Variants in RAPGEF4 observed in about 807,000 individuals in gnomAD.
The protein encoded by RAPGEF4 is Rap guanine nucleotide exchange factor 4.
Under a neutral mutation model 147.9 loss-of-function variants are expected in RAPGEF4, and 66 were observed. The observed-to-expected ratio is 0.45, with a 90% CI of 0.37 to 0.55. The LOEUF (loss-of-function observed/expected upper bound fraction) is 0.55, where lower values mean the gene tolerates loss of function less well. Among genes scored for constraint, RAPGEF4 ranks in the 20% least tolerant of loss-of-function variants. The probability of loss-of-function intolerance (pLI) is 0.00; values close to 1 mark genes in which losing one functional copy is unlikely to be tolerated. For synonymous variants in RAPGEF4, 419 were observed against 442.7 expected (o/e 0.95, Z 0.67); for missense variants, 1,071 against 1,257.3 (o/e 0.85, Z 2.24).
At chr2:172,935,473 G>A (rs188397881) in intron 6 of RAPGEF4, among the ~76,000 whole-genome samples, 50 of 152,264 alleles carry the variant, frequency 3.3e-4, no homozygotes, top group African/African-American at 1.2e-3. Flanking sequence ...GGAAATGAGA[G>A]CTGTTCATTG....
chr2:172,941,971 A>T (rs561595521), intron 6 of RAPGEF4, among the ~76,000 whole-genome samples: 1 of 152,140 alleles, frequency 6.6e-6, no homozygotes, highest in East Asian at 1.9e-4. Context: ...CCTCATTTAC[A>T]TCTCTGGTCA....
chr2:172,870,538 G>A (rs1695126481), intron 4 of RAPGEF4, among the ~76,000 whole-genome samples: 1 of 152,042 alleles, frequency 6.6e-6, no homozygotes, highest in Admixed American at 6.6e-5. Context: ...TCCTGGTTTT[G>A]AGAAGCCACA....
intron 2 of RAPGEF4, 110 bp downstream of exon 2, chr2:172,795,277 C>A: frequency 8.6e-7 from 1 of 1,157,850 alleles, no homozygotes; most frequent in Non-Finnish European, 1.2e-6. Flanking sequence ...AATATTTGAG[C>A]TTCAACCAAA....
At chr2:172,744,291 C>G in intron 1 of RAPGEF4, 1 of 404,406 alleles carries the variant, frequency 2.5e-6, no homozygotes, top group East Asian at 7.7e-5. Context: ...TAGGATCAGC[C>G]AGACCTGGAT....
At chr2:172,856,561 T>C (rs1341817526) in intron 4 of RAPGEF4, among the ~76,000 whole-genome samples, 1 of 152,186 alleles carries the variant, frequency 6.6e-6, no homozygotes, top group Admixed American at 6.5e-5. Flanking sequence ...TTAAAGAGTA[T>C]TGATTTTCTG....
At chr2:172,873,254 G>A (rs534234802) in intron 4 of RAPGEF4, among the ~76,000 whole-genome samples, 8 of 152,272 alleles carry the variant, frequency 5.3e-5, no homozygotes, top group African/African-American at 1.4e-4. Flanking sequence ...CCAGTTTTAC[G>A]TCTTGTCTGG....
intron 17 of RAPGEF4, among the ~76,000 whole-genome samples, chr2:173,013,175 T>C (rs1695185207): frequency 6.6e-6 from 1 of 152,206 alleles, no homozygotes; most frequent in South Asian, 2.1e-4. Context: ...TAGACAAGGC[T>C]CTTTACTGGT....
At chr2:172,945,489 T>C (rs1687593195) in intron 6 of RAPGEF4, among the ~76,000 whole-genome samples, 2 of 152,140 alleles carry the variant, frequency 1.3e-5, no homozygotes, top group Non-Finnish European at 2.9e-5. Flanking sequence ...TTATTGTAGC[T>C]TTTGCCTACT....
At chr2:172,897,501 C>T (rs987091292) in intron 4 of RAPGEF4, among the ~76,000 whole-genome samples, 42 of 152,164 alleles carry the variant, frequency 2.8e-4, no homozygotes, top group African/African-American at 1.0e-3. Flanking sequence ...CAGGCTCAAG[C>T]AATCATCCTG....
intron 6 of RAPGEF4, among the ~76,000 whole-genome samples, chr2:172,926,468 C>T (rs11695398): frequency 0.47 from 71,915 of 152,030 alleles, 17,937 homozygotes; most frequent in East Asian, 0.65. Flanking sequence ...AGTAGACTCA[C>T]GGAGATATTA....
intron 23 of RAPGEF4, among the ~76,000 whole-genome samples, chr2:173,023,688 G>T (rs1334513129): frequency 6.6e-6 from 1 of 152,182 alleles, no homozygotes; most frequent in East Asian, 1.9e-4. Flanking sequence ...ACGACTAAAA[G>T]AACTTTGCAT....
At chr2:173,020,851 TA>T in intron 23 of RAPGEF4, 136 bp downstream of exon 23, 1 of 636,330 alleles carries the variant, frequency 1.6e-6, no homozygotes, top group Non-Finnish European at 2.7e-6. Flanking sequence ...TGCAGTCTAT[TA>T]GGTAAGCCTC....
chr2:172,925,589 C>T (rs1233959487), intron 6 of RAPGEF4, among the ~76,000 whole-genome samples: 1 of 2,770 alleles, frequency 3.6e-4, no homozygotes, highest in Non-Finnish European at 0.012. Context: ...TCTGTCTGTA[C>T]ACACACACAC....
intron 6 of RAPGEF4, among the ~76,000 whole-genome samples, chr2:172,932,504 C>A (rs1407530870): frequency 1.3e-5 from 2 of 152,126 alleles, no homozygotes; most frequent in Admixed American, 6.5e-5. Context: ...AATATATGAA[C>A]AAGCTTTTTA....
intron 1 of RAPGEF4, among the ~76,000 whole-genome samples, chr2:172,781,879 T>C (rs998404313): frequency 1.3e-5 from 2 of 152,244 alleles, no homozygotes; most frequent in African/African-American, 4.8e-5. Context: ...TTGTATTGTA[T>C]TGTTTTTTAT....
At chr2:172,933,942 C>G (rs1263560006) in intron 6 of RAPGEF4, among the ~76,000 whole-genome samples, 1 of 152,066 alleles carries the variant, frequency 6.6e-6, no homozygotes, top group Non-Finnish European at 1.5e-5. Context: ...CTTTAAATGG[C>G]TATGGCCTGC....
chr2:173,033,244 G>A (rs1204032139), intron 26 of RAPGEF4, among the ~76,000 whole-genome samples: 1 of 152,180 alleles, frequency 6.6e-6, no homozygotes, highest in Non-Finnish European at 1.5e-5. Flanking sequence ...TGTGAGAGAC[G>A]AGACAGCAGG....
At chr2:173,037,470 G>C (rs115997006) in intron 29 of RAPGEF4, among the ~76,000 whole-genome samples, 2,063 of 152,200 alleles carry the variant, frequency 0.014, 40 homozygotes, top group African/African-American at 0.046. Flanking sequence ...TACTCCTAGC[G>C]GGGGGGAAAG....
intron 4 of RAPGEF4, among the ~76,000 whole-genome samples, chr2:172,835,156 A>G (rs1690787518): frequency 6.6e-6 from 1 of 152,210 alleles, no homozygotes; most frequent in Admixed American, 6.5e-5. Context: ...TCTAAGCAAG[A>G]GTAAATAGAC....
Sources: gnomAD v4.1 joint callset for allele counts (sites outside exome capture counted in the v4.1 genomes callset) on GRCh38, gnomAD v4.1.1 for gene constraint, MANE v1.5 for transcripts, NCBI Gene and HGNC (gene_info 2026-07-23, HGNC 2026-07-21) for gene names.